RSPH3: variants seen among roughly 807,000 people sequenced by gnomAD.
RSPH3 encodes radial spoke head 3.
RSPH3 carries 21 observed loss-of-function variants against 43.8 expected under a neutral mutation model. The observed-to-expected ratio is 0.48, with a 90% CI of 0.34 to 0.69. The LOEUF (loss-of-function observed/expected upper bound fraction) is 0.69, where lower values mean the gene tolerates loss of function less well. Ranked by LOEUF, RSPH3 falls within the 30% of genes least tolerant of loss-of-function variation. RSPH3 has a pLI of 0.01. For missense variants in RSPH3, 487 were observed against 516.0 expected (o/e 0.94, Z 0.54); for synonymous variants, 173 against 179.8 (o/e 0.96, Z 0.30).
intron 6 of RSPH3, among the ~76,000 whole-genome samples, chr6:158,980,337 G>A (rs1166158967): frequency 2.0e-5 from 3 of 151,980 alleles, no homozygotes; most frequent in African/African-American, 7.3e-5. Context: ...CCGAGGCAGG[G>A]AGAATTGCTT....
chr6:158,963,605 T>C, the RSPH3 span, among the ~76,000 whole-genome samples: 33 of 150,558 alleles, frequency 2.2e-4, no homozygotes, highest in African/African-American at 7.6e-4. Flanking sequence ...TTTCTTTTGA[T>C]AGGTTTCACA....
Position 158,977,304 on chromosome 6 carries a change from A to C in RSPH3, c.*234T>G. On this transcript the variant is annotated 3_prime_UTR_variant, in exon 8 of 8. Coordinates refer to ENST00000367069, the MANE Select transcript of RSPH3 (RefSeq NM_031924.8). ...TAATAGAAAGCTAGTAATTAAATAT[A>C]ATTCTCATTAGAATTACAATATAGC... The C allele has an allele frequency of 2.2e-6, 1 of 464,676 alleles. No individual in the cohort carries two copies. Among genetic ancestry groups the C allele is most frequent in the South Asian group, 4.8e-5 (1 of 21,052 alleles). The allele number at this position is 464,676 out of a possible 1,614,324, so 28.8% of individuals were successfully genotyped here. A position where few individuals can be genotyped will look rare whatever the true frequency, so the allele number is the denominator to read the frequency against.
intron 2 of RSPH3, among the ~76,000 whole-genome samples, chr6:158,992,229 C>T (rs566316352): frequency 2.0e-5 from 3 of 147,006 alleles, no homozygotes; most frequent in East Asian, 2.4e-4. Flanking sequence ...CCTCAGACTC[C>T]GATTCAGGGC....
Position 158,975,725 on chromosome 6 carries a change from A to G in RSPH3, c.*1813T>C, listed in dbSNP as rs927914789. ...CTTCAGAAGGTTGCCATGAGGCCTA[A>G]GTGTTATAGTGAAATACTATATGGG... On this transcript the variant is annotated 3_prime_UTR_variant, in exon 8 of 8. Coordinates refer to ENST00000367069, the MANE Select transcript of RSPH3 (RefSeq NM_031924.8). 2.6e-5 allele frequency: 4 copies of G among 152,366 alleles called. No homozygotes were observed. The highest frequency in any genetic ancestry group is 9.6e-5 in the African/African-American group (4 of 41,590). The allele number at this position is 152,366 out of a possible 1,614,324, so 9.4% of individuals were successfully genotyped here.
rs560477896 is a variant in RSPH3 at position 158,988,189 on chromosome 6, C to T, written c.205-1768G>A. ...TCTTTCAGCACTTTGAAAATATCAC[C>T]CCAGTCCCTCCTGGTCATCTCACTC... is the stretch of plus-strand genomic sequence containing the variant. On this transcript the variant is annotated intron_variant, in intron 2 of 7. Transcript: ENST00000367069. 2.0e-5 allele frequency: 3 copies of T among 152,136 alleles called. No homozygotes were observed. In the South Asian group the frequency reaches 6.2e-4, roughly 32 times the overall value. 9.4% of individuals were successfully genotyped at this position (152,136 alleles called of 1,614,324 possible).
chr6:158,971,849 C>T (rs1242934522), downstream of RSPH3, among the ~76,000 whole-genome samples: 1 of 152,116 alleles, frequency 6.6e-6, no homozygotes, highest in Admixed American at 6.5e-5. Context: ...CAGATTACAC[C>T]TATAGTTGTC....
chr6:158,969,329 G>C (rs534541241), downstream of RSPH3, among the ~76,000 whole-genome samples: 1 of 152,184 alleles, frequency 6.6e-6, no homozygotes, highest in Non-Finnish European at 1.5e-5. Context: ...TTGAATATAT[G>C]ATCCCATTGC....
chr6:158,983,415 C>A (rs1778104193), intron 4 of RSPH3, among the ~76,000 whole-genome samples: 1 of 152,026 alleles, frequency 6.6e-6, no homozygotes, highest in South Asian at 2.1e-4. Flanking sequence ...AAACAAAAAT[C>A]AAATGTGGAA....
intron 3 of RSPH3, among the ~76,000 whole-genome samples, chr6:158,985,017 A>G (rs1380201735): frequency 1.3e-5 from 2 of 152,196 alleles, no homozygotes; most frequent in African/African-American, 2.4e-5. Context: ...GGATCCACTC[A>G]CCATCTTGGA....
rs146303979 is a variant in RSPH3, at chr6:158,997,155, T to G, written c.116+2280A>C. Among the ~76,000 whole-genome samples the G allele has an allele frequency of 7.4e-3, 1,133 of 152,284 alleles. 20 individuals carry two copies. Among genetic ancestry groups the G allele is most frequent in the African/African-American group, 0.026 (1,066 of 41,548 alleles). ...GCAAGCAGATGCCAGCACCATGCTCTTGTACTTCTCAGTCTGCAGAGCTGT... is the reference window on the plus strand; with the variant it reads ...GCAAGCAGATGCCAGCACCATGCTCGTGTACTTCTCAGTCTGCAGAGCTGT... On this transcript the variant is annotated intron_variant, in intron 1 of 7. Coordinates refer to ENST00000367069, the MANE Select transcript of RSPH3 (RefSeq NM_031924.8).
intron 1 of RSPH3, among the ~76,000 whole-genome samples, chr6:158,996,214 C>T (rs944938564): frequency 3.9e-5 from 6 of 152,072 alleles, no homozygotes; most frequent in Non-Finnish European, 7.4e-5. Flanking sequence ...GTTATATATC[C>T]TTTACCAAAG....
Position 158,973,649 on chromosome 6 carries a change from C to G in RSPH3, c.*3889G>C, listed in dbSNP as rs979371675. 2.0e-5 allele frequency: 3 copies of G among 152,188 alleles called. No individual in the cohort carries two copies. The highest frequency in any genetic ancestry group is 7.2e-5 in the African/African-American group (3 of 41,446). The allele number at this position is 152,188 out of a possible 1,614,324, so 9.4% of individuals were successfully genotyped here. ...CATGTGAGGACTCAAGCCCAGTGGTCTGGCTTTGAATCTGCTTTCAAACTC... is the reference window on the plus strand; with the variant it reads ...CATGTGAGGACTCAAGCCCAGTGGTGTGGCTTTGAATCTGCTTTCAAACTC... On this transcript the variant is annotated 3_prime_UTR_variant, in exon 8 of 8. Coordinates refer to ENST00000367069, the MANE Select transcript of RSPH3 (RefSeq NM_031924.8).
chr6:158,971,626 A>G (rs1221226704), downstream of RSPH3, among the ~76,000 whole-genome samples: 1 of 152,188 alleles, frequency 6.6e-6, no homozygotes, highest in Non-Finnish European at 1.5e-5. Context: ...TTAATGTTAC[A>G]TCTAACATAT....
chr6:158,972,729 T>C (rs1277216014), downstream of RSPH3: 1 of 152,254 alleles, frequency 6.6e-6, no homozygotes, highest in Non-Finnish European at 1.5e-5. Flanking sequence ...TTAAATGGCA[T>C]CTTATATCTG....
chr6:158,981,517 T>G (rs967347087), intron 5 of RSPH3, among the ~76,000 whole-genome samples: 1 of 152,220 alleles, frequency 6.6e-6, no homozygotes. Flanking sequence ...TAGGTGATTC[T>G]TGTATCCAGT....
Position 158,975,466 on chromosome 6 carries a change from C to G in RSPH3, c.*2072G>C, listed in dbSNP as rs1487834765. On this transcript the variant is annotated 3_prime_UTR_variant, in exon 8 of 8. Coordinates refer to ENST00000367069, the MANE Select transcript of RSPH3 (RefSeq NM_031924.8). ...ATTCCAGCTTTAGTCCTATTCCCTA[C>G]TAGGCTCGTCATCTATTGCAAATCA... The G allele has an allele frequency of 6.6e-6, 1 of 152,184 alleles. No homozygotes were observed. The highest frequency in any genetic ancestry group is 2.4e-5 in the African/African-American group (1 of 41,434). The allele number at this position is 152,184 out of a possible 1,614,324, so 9.4% of individuals were successfully genotyped here.
At position 158,982,560 on chromosome 6, in the gene RSPH3, A is replaced by G. The variant is rs890402655; in HGVS notation, c.621T>C (p.Tyr207=). 3.1e-6 allele frequency: 5 copies of G among 1,613,784 alleles called. No individual in the cohort carries two copies. The African/African-American group carries it at 6.7e-5, about 22-fold the overall frequency. Residue 207 remains tyrosine (Y), a synonymous_variant, in exon 5 of 8, where the codon TAT becomes TAC. Coordinates refer to ENST00000367069, the MANE Select transcript of RSPH3 (RefSeq NM_031924.8). The part of the protein sequence containing the change: ...LANLRASQRE[Y]EELRNSERAE... ...CACGTTCACTATTCCGTAGTTCTTC[A>G]TACTCACGCTGACTGGCCCGCAGGT...
At chr6:158,999,380 G>T in intron 1 of RSPH3, 55 bp downstream of exon 1, 1 of 1,431,834 alleles carries the variant, frequency 7.0e-7, no homozygotes, top group Non-Finnish European at 9.2e-7. Context: ...GCCAGACCCC[G>T]GCCTGGGGAT....
intron 3 of RSPH3, 74 bp from the exon 4 acceptor site, chr6:158,983,881 C>T (rs972826701): frequency 9.3e-5 from 104 of 1,114,734 alleles, no homozygotes; most frequent in East Asian, 2.4e-5. Context: ...TGCCCATAAT[C>T]CCAGCACTTT....
Sources: gnomAD v4.1 joint callset for allele counts (sites outside exome capture counted in the v4.1 genomes callset) on GRCh38, gnomAD v4.1.1 for gene constraint, MANE v1.5 for transcripts, NCBI Gene and HGNC (gene_info 2026-07-23, HGNC 2026-07-21) for gene names.